DENND4A: variants seen among roughly 807,000 people sequenced by gnomAD.
DENND4A encodes C-myc promoter-binding protein.
Under a neutral mutation model 199.3 loss-of-function variants are expected in DENND4A, and 70 were observed. The observed-to-expected ratio is 0.35, with a 90% CI of 0.29 to 0.43. The LOEUF is 0.43. Among genes scored for constraint, DENND4A ranks in the 20% least tolerant of loss-of-function variants. The pLI is 1.00. For synonymous variants in DENND4A, 686 were observed against 766.9 expected, an observed-to-expected ratio of 0.89 and a Z score of 1.74; for missense variants, 1,723 against 2,255.8, an observed-to-expected ratio of 0.76 and a Z score of 4.78.
chr15:65,762,616 A>G (rs982777636), intron 1 of DENND4A, among the ~76,000 whole-genome samples: 1 of 152,212 alleles, frequency 6.6e-6, no homozygotes, highest in Admixed American at 6.5e-5. Context: ...GTAACAGAGT[A>G]AAGCTCTATC....
chr15:65,717,515 C>T (rs966531383), intron 13 of DENND4A, among the ~76,000 whole-genome samples: 1 of 152,144 alleles, frequency 6.6e-6, no homozygotes, highest in Non-Finnish European at 1.5e-5. Context: ...TATCTCAACA[C>T]ACATGTGACA....
chr15:65,704,747 T>A (rs1472352567), intron 15 of DENND4A, among the ~76,000 whole-genome samples: 2 of 151,950 alleles, frequency 1.3e-5, no homozygotes, highest in African/African-American at 4.8e-5. Flanking sequence ...CCTGCAACCA[T>A]GCCTAGCTAA....
At chr15:65,719,132 T>C (rs1215861026) in intron 12 of DENND4A, 2 of 151,830 alleles carry the variant, frequency 1.3e-5, no homozygotes, top group African/African-American at 4.8e-5. Flanking sequence ...CATATGAATA[T>C]ATATAAAACA....
chr15:65,791,490 G>A (rs2077721726), intron 1 of DENND4A, among the ~76,000 whole-genome samples: 1 of 147,670 alleles, frequency 6.8e-6, no homozygotes, highest in Non-Finnish European at 1.5e-5. Flanking sequence ...AAAAAAAACT[G>A]GTCAACTTGG....
chr15:65,726,024 A>G (rs1052720409), intron 11 of DENND4A: 1 of 152,216 alleles, frequency 6.6e-6, no homozygotes, highest in Admixed American at 6.5e-5. Flanking sequence ...TCATGAGCAC[A>G]AACAACTTAT....
At chr15:65,762,268 A>G (rs1345252144) in intron 1 of DENND4A, among the ~76,000 whole-genome samples, 1 of 152,104 alleles carries the variant, frequency 6.6e-6, no homozygotes, top group Non-Finnish European at 1.5e-5. Context: ...CGGCCTCCCA[A>G]AGTGCTGGGA....
At chr15:65,747,413 TATC>T (rs990089003) in intron 4 of DENND4A, among the ~76,000 whole-genome samples, 19 of 152,200 alleles carry the variant, frequency 1.2e-4, no homozygotes, top group African/African-American at 4.6e-4. Flanking sequence ...TAGATGCTAT[TATC>T]ATCCTCATTT....
intron 1 of DENND4A, among the ~76,000 whole-genome samples, chr15:65,791,272 C>T (rs367846113): frequency 6.6e-6 from 1 of 152,278 alleles, no homozygotes; most frequent in African/African-American, 2.4e-5. Flanking sequence ...GAATTAAAAG[C>T]ACATTGGAAC....
chr15:65,721,607 A>G (rs1033121270), intron 12 of DENND4A, among the ~76,000 whole-genome samples: 4 of 151,462 alleles, frequency 2.6e-5, no homozygotes, highest in Non-Finnish European at 4.4e-5. Context: ...AAAAAAAAAA[A>G]AAAAGAAAGA....
intron 14 of DENND4A, among the ~76,000 whole-genome samples, chr15:65,708,866 C>T (rs1230499344): frequency 6.6e-6 from 1 of 152,170 alleles, no homozygotes; most frequent in East Asian, 1.9e-4. Context: ...AGAACAAGAA[C>T]ACATGGTTCT....
chr15:65,705,885 C>T (rs1242530808), intron 15 of DENND4A: 1 of 558,856 alleles, frequency 1.8e-6, no homozygotes, highest in Non-Finnish European at 2.3e-6. Flanking sequence ...AGAGAGCTTC[C>T]CAAGTCTATA....
chr15:65,771,598 TCTTTC>T (rs2077128099), intron 1 of DENND4A: 2 of 1,612,734 alleles, frequency 1.2e-6, no homozygotes, highest in East Asian at 4.5e-5. Flanking sequence ...TTTCCTCTTC[TCTTTC>T]ATGTCCACTA....
intron 30 of DENND4A, 94 bp from the exon 31 acceptor site, chr15:65,664,816 C>A (rs1348343026): frequency 2.7e-6 from 3 of 1,109,144 alleles, no homozygotes; most frequent in Non-Finnish European, 3.7e-6. Context: ...AGTTACAAAG[C>A]ACTAAAAATA....
At chr15:65,748,705 G>A (rs1425108615) in intron 4 of DENND4A, among the ~76,000 whole-genome samples, 1 of 151,526 alleles carries the variant, frequency 6.6e-6, no homozygotes, top group Non-Finnish European at 1.5e-5. Context: ...AAACCCAATT[G>A]TTGGCCAGGC....
Position 65,690,722 on chromosome 15 carries a change from C to T in DENND4A, c.3872G>A (p.Cys1291Tyr). The change falls in exon 23 of 33, where the codon TGC becomes TAC. Residue 1291 changes from cysteine (C) to tyrosine (Y), a missense_variant. Physicochemically the swap from Cys to Tyr is radical, Grantham distance 194. This residue lies in a region of DENND4A where 650 missense variants were observed against 738.1 expected (regional missense o/e 0.88). Coordinates refer to ENST00000443035, the MANE Select transcript of DENND4A (RefSeq NM_001320835.1). ...ATTAGGAGGCAGACTAGATCTTCTG[C>T]ATGCCTTGACCAATGGTGGACTTTT... The part of the protein sequence containing the change: ...NKKSPPLVKA[C>Y]RRSSLPPNSP... 1.9e-6 allele frequency: 3 copies of T among 1,613,558 alleles called. No homozygotes were observed. Among genetic ancestry groups the T allele is most frequent in the Non-Finnish European group, 1.7e-6 (2 of 1,179,770 alleles).
chr15:65,738,145 C>A (rs1379941664), intron 6 of DENND4A, among the ~76,000 whole-genome samples, 200 bp from the exon 7 acceptor site: 1 of 151,992 alleles, frequency 6.6e-6, no homozygotes, highest in Non-Finnish European at 1.5e-5. Context: ...TACCTTACTA[C>A]TGAAAGAAAA....
chr15:65,764,295 C>T (rs1268030968), intron 1 of DENND4A, among the ~76,000 whole-genome samples: 2 of 152,018 alleles, frequency 1.3e-5, no homozygotes, highest in Non-Finnish European at 1.5e-5. Flanking sequence ...GCCAGGAGTT[C>T]AAGACCAGCC....
intron 1 of DENND4A, among the ~76,000 whole-genome samples, chr15:65,763,299 C>G (rs2076899607): frequency 1.3e-5 from 2 of 152,056 alleles, no homozygotes; most frequent in South Asian, 4.1e-4. Context: ...GCAGCTACAC[C>G]CAGACACAAG....
intron 24 of DENND4A, among the ~76,000 whole-genome samples, chr15:65,673,993 G>T (rs929394620): frequency 2.6e-5 from 4 of 151,896 alleles, no homozygotes; most frequent in Non-Finnish European, 5.9e-5. Context: ...TGTTAAAAAA[G>T]AAAAGAAGGG....
Sources: gnomAD v4.1 joint callset for allele counts (sites outside exome capture counted in the v4.1 genomes callset) on GRCh38, gnomAD v4.1.1 for gene constraint, gnomAD v4.1.1 regional missense constraint, MANE v1.5 for transcripts, NCBI Gene and HGNC (gene_info 2026-07-23, HGNC 2026-07-21) for gene names.